MED13: variants seen among roughly 807,000 people sequenced by gnomAD.
MED13 encodes mediator complex subunit 13, also known as mediator of RNA polymerase II transcription subunit 13.
Under a neutral mutation model 225.2 loss-of-function variants are expected in MED13, and 23 were observed. The ratio of observed to expected loss-of-function variants is 0.10; its 90% CI spans 0.07 to 0.14. The LOEUF (loss-of-function observed/expected upper bound fraction) is 0.14. MED13 is among the 10% of genes least tolerant of loss of function. The pLI is 1.00. For synonymous variants in MED13, 942 were observed against 889.2 expected (o/e 1.06, Z -1.06); for missense variants, 2,197 against 2,594.5 (o/e 0.85, Z 3.33).
At chr17:61,965,510 A>T in intron 19 of MED13, 42 bp from the exon 20 acceptor site, 1 of 1,529,042 alleles carries the variant, frequency 6.5e-7, no homozygotes, top group Non-Finnish European at 8.8e-7. Context: ...TCTTTATTTC[A>T]CTGACTGGTT....
rs1314624715 is a variant in MED13, at chr17:61,966,543, A to T, written c.4300T>A (p.Trp1434Arg). The T allele has an allele frequency of 1.9e-6, 3 of 1,613,986 alleles. No homozygotes were observed. The Middle Eastern group carries it at 5.0e-4, about 266-fold the overall frequency. The change falls in exon 19 of 30, where the codon TGG becomes AGG. Residue 1434 changes from tryptophan to arginine, a missense_variant. By Grantham distance (101) the Trp-to-Arg change is moderately radical. Transcript: ENST00000397786. ...KKLSEKLVAE[W>R]FSQAADGNNE... ...TTACCGTCAGCTGCCTGAGAAAACC[A>T]TTCTGCTACCAACTTTTCTGATAGT...
intron 8 of MED13, among the ~76,000 whole-genome samples, chr17:62,021,952 A>G (rs1315217261): frequency 6.6e-6 from 1 of 152,064 alleles, no homozygotes; most frequent in Admixed American, 6.6e-5. Flanking sequence ...GGATCATTTG[A>G]GGTCAGGAGT....
Position 62,031,467 on chromosome 17 carries a change from G to A in MED13, c.986C>T (p.Thr329Met), listed in dbSNP as rs767708011. 41 of 1,610,172 alleles carry A rather than the reference G, an allele frequency of 2.5e-5. No homozygotes were observed. The highest frequency in any genetic ancestry group is 3.5e-5 in the Non-Finnish European group (41 of 1,178,324). ...ACCTGTTTGGACTTCCTCAGGAGAC[G>A]TAGGTGGTGTAAGCGTAACCGAAGA... ...AMSSVTLTPP[T>M]SPEEVQTVDP... Residue 329 changes from threonine to methionine, a missense_variant, in exon 6 of 30, where the codon ACG becomes ATG. By Grantham distance (81) the Thr-to-Met change is moderately conservative. Around this residue, in one of 12 missense-constraint regions of MED13, gnomAD observed 884 missense variants for 918.5 expected, o/e 0.96. Coordinates refer to ENST00000397786, the MANE Select transcript of MED13 (RefSeq NM_005121.3).
At chr17:61,961,171 CCAATTATAAGATAA>C (rs1181574345) in intron 22 of MED13, 81 bp from the exon 23 acceptor site, 13 of 1,170,498 alleles carry the variant, frequency 1.1e-5, no homozygotes, top group Non-Finnish European at 8.4e-6. Context: ...TCTTATCTAC[CCAATTATAAGATAA>C]TTGGAAAATG....
intron 2 of MED13, among the ~76,000 whole-genome samples, chr17:62,061,754 C>T (rs2081040898): frequency 6.6e-6 from 1 of 152,178 alleles, no homozygotes; most frequent in South Asian, 2.1e-4. Flanking sequence ...TATATACATA[C>T]ATCATGTATA....
intron 2 of MED13, among the ~76,000 whole-genome samples, chr17:62,059,845 T>C (rs1459275886): frequency 6.6e-6 from 1 of 152,220 alleles, no homozygotes; most frequent in Non-Finnish European, 1.5e-5. Context: ...TAACAGGTTT[T>C]ATTTTTAAGA....
At chr17:62,029,514 G>T in intron 8 of MED13, 27 bp downstream of exon 8, 1 of 1,518,902 alleles carries the variant, frequency 6.6e-7, no homozygotes. Flanking sequence ...TCACACATAG[G>T]CATCAATCGA....
intron 8 of MED13, among the ~76,000 whole-genome samples, chr17:62,013,035 C>T (rs2080527017): frequency 6.6e-6 from 1 of 152,114 alleles, no homozygotes; most frequent in African/African-American, 2.4e-5. Flanking sequence ...TCGTGATCCG[C>T]CCACCTTGGC....
At chr17:61,993,866 G>C (rs1328696664) in intron 10 of MED13, among the ~76,000 whole-genome samples, 2 of 151,862 alleles carry the variant, frequency 1.3e-5, no homozygotes, top group Non-Finnish European at 2.9e-5. Context: ...GGGAGGCGAA[G>C]GTTGCAGTGA....
Position 62,052,764 on chromosome 17 carries a change from G to A in MED13, c.302-59C>T. ...GACACTATAATCTATTCAGAGCCAA[G>A]TAAAAAAGGTTACAGTTTAAACTCT... On this transcript the variant is annotated intron_variant, in intron 2 of 29. Transcript: ENST00000397786. 21 of 1,292,944 alleles carry A rather than the reference G, an allele frequency of 1.6e-5. No homozygotes were observed. The South Asian group carries it at 3.9e-4, about 24-fold the overall frequency. 80.1% of individuals were successfully genotyped at this position (1,292,944 alleles called of 1,614,324 possible).
chr17:62,015,956 T>TATA (rs1567980132), intron 8 of MED13, among the ~76,000 whole-genome samples: 46 of 4,874 alleles, frequency 9.4e-3, no homozygotes, highest in Admixed American at 0.019. Context: ...ATATATATAT[T>TATA]TTTTTTTTTT....
chr17:61,998,522 T>C (rs993040346), intron 9 of MED13, among the ~76,000 whole-genome samples: 1 of 151,882 alleles, frequency 6.6e-6, no homozygotes, highest in African/African-American at 2.4e-5. Context: ...AGATGACAAT[T>C]ATAGAAGCAG....
At chr17:62,043,868 T>C (rs1171572158) in intron 3 of MED13, among the ~76,000 whole-genome samples, 1 of 152,240 alleles carries the variant, frequency 6.6e-6, no homozygotes, top group Non-Finnish European at 1.5e-5. Flanking sequence ...ATTTAGTTTT[T>C]TTTTAGCTTT....
intron 9 of MED13, chr17:62,004,655 G>A (rs189240622): frequency 2.0e-5 from 3 of 152,294 alleles, no homozygotes; most frequent in African/African-American, 7.2e-5. Flanking sequence ...TTACAGATCA[G>A]GAGAAAGGGT....
At chr17:62,026,459 C>G (rs2080702804) in intron 8 of MED13, among the ~76,000 whole-genome samples, 1 of 149,274 alleles carries the variant, frequency 6.7e-6, no homozygotes, top group Admixed American at 6.7e-5. Context: ...TCCACAAAAT[C>G]CATCACTGTA....
intron 8 of MED13, among the ~76,000 whole-genome samples, chr17:62,020,061 G>A (rs2080624029): frequency 6.6e-6 from 1 of 151,958 alleles, no homozygotes; most frequent in Admixed American, 6.6e-5. Flanking sequence ...TGAACTTCAT[G>A]CTAGAACACA....
At chr17:62,011,491 A>G (rs1431504565) in intron 8 of MED13, among the ~76,000 whole-genome samples, 1 of 150,488 alleles carries the variant, frequency 6.6e-6, no homozygotes, top group African/African-American at 2.5e-5. Context: ...GCCAAAGATT[A>G]TGTCTTACAT....
chr17:62,059,239 A>T (rs1383014323), intron 2 of MED13, among the ~76,000 whole-genome samples: 2 of 152,242 alleles, frequency 1.3e-5, no homozygotes, highest in Non-Finnish European at 2.9e-5. Flanking sequence ...GTTAATTTTT[A>T]AAAATACACT....
intron 3 of MED13, among the ~76,000 whole-genome samples, chr17:62,046,115 A>G (rs2080895445): frequency 6.6e-6 from 1 of 152,186 alleles, no homozygotes; most frequent in Non-Finnish European, 1.5e-5. Context: ...CAGTCTATAT[A>G]ATACTTATGT....
Sources: gnomAD v4.1 joint callset for allele counts (sites outside exome capture counted in the v4.1 genomes callset) on GRCh38, gnomAD v4.1.1 for gene constraint, gnomAD v4.1.1 regional missense constraint, MANE v1.5 for transcripts, NCBI Gene and HGNC (gene_info 2026-07-23, HGNC 2026-07-21) for gene names.